Variants in MRTFB observed in about 807,000 individuals in gnomAD.
The protein encoded by MRTFB is myocardin related transcription factor B, also known as myocardin-related transcription factor B.
Under a neutral mutation model 104.2 loss-of-function variants are expected in MRTFB, and 29 were observed. The ratio of observed to expected loss-of-function variants is 0.28; its 90% CI spans 0.21 to 0.38. MRTFB has a LOEUF of 0.38. Ranked by LOEUF, MRTFB falls within the 10% of genes least tolerant of loss-of-function variation. MRTFB has a pLI of 1.00. For missense variants in MRTFB, 1,270 were observed against 1,341.6 expected (o/e 0.95, Z 0.83); for synonymous variants, 535 against 519.5 (o/e 1.03, Z -0.41).
chr16:14,043,612 T>C, the MRTFB span, among the ~76,000 whole-genome samples: 5 of 152,154 alleles, frequency 3.3e-5, no homozygotes, highest in African/African-American at 4.8e-5. Context: ...AAGAAAGATA[T>C]AGAAACAAGG....
chr16:14,152,621 G>A (rs1267775876), intron 3 of MRTFB: 1 of 152,132 alleles, frequency 6.6e-6, no homozygotes, highest in Non-Finnish European at 1.5e-5. Flanking sequence ...TTTGGAGCCT[G>A]GAGAACTTAA....
At position 14,266,588 on chromosome 16, in the gene MRTFB, C is replaced by G. The variant is rs1003395840; in HGVS notation, c.*5144C>G. ...TGCACCCCTGAAATCAATTCCATAT[C>G]ATGTTTGAATGCCATACATTTTGCA... On this transcript the variant is annotated 3_prime_UTR_variant, in exon 17 of 17. Coordinates refer to ENST00000571589, the MANE Select transcript of MRTFB (RefSeq NM_001308142.2). 6.6e-6 allele frequency: 1 copy of G among 152,184 alleles called. No homozygotes were observed. The highest frequency in any genetic ancestry group is 6.5e-5 in the Admixed American group (1 of 15,280). 9.4% of individuals were successfully genotyped at this position (152,184 alleles called of 1,614,324 possible).
At position 14,212,370 on chromosome 16, in the gene MRTFB, G is replaced by A. The variant is rs756700929; in HGVS notation, c.237G>A (p.Ala79=). Residue 79 remains alanine, a synonymous_variant, in exon 5 of 17, where the codon GCG becomes GCA. Coordinates refer to ENST00000571589, the MANE Select transcript of MRTFB (RefSeq NM_001308142.2). Reference sequence around the variant, plus strand: ...TTCTCACAGCTTTGAAGAGCCCAGCGGCATTCCATGAACAGATAAAAAGCT... The same window carrying A: ...TTCTCACAGCTTTGAAGAGCCCAGCAGCATTCCATGAACAGATAAAAAGCT... ...QGIMPPLKSP[A]AFHEQIKSLE... The A allele has an allele frequency of 5.0e-6, 8 of 1,613,732 alleles. No homozygotes were observed. Among genetic ancestry groups the A allele is most frequent in the African/African-American group, 2.7e-5 (2 of 74,872 alleles).
At chr16:14,186,015 T>C (rs555623730) in intron 3 of MRTFB, among the ~76,000 whole-genome samples, 4 of 152,288 alleles carry the variant, frequency 2.6e-5, no homozygotes, top group African/African-American at 7.2e-5. Context: ...TGTTATGAAA[T>C]AGAAGCTGTC....
At chr16:14,150,277 A>C (rs2038546852) in intron 3 of MRTFB, among the ~76,000 whole-genome samples, 1 of 152,244 alleles carries the variant, frequency 6.6e-6, no homozygotes, top group Non-Finnish European at 1.5e-5. Flanking sequence ...TCAAGTATAG[A>C]GAATAGTGCA....
chr16:14,247,343 G>A lies in MRTFB; in HGVS notation c.2083G>A (p.Val695Ile), dbSNP rs773123687. Residue 695 changes from valine to isoleucine, a missense_variant, in exon 12 of 17, where the codon GTC (valine) becomes ATC (isoleucine). By Grantham distance (29) the Val-to-Ile change is conservative (BLOSUM62 3). Transcript: ENST00000571589. ...GGGCCAGGCAGAGCAGCAGAGTGTC[G>A]TCTCGCAGTTTTATGTGAGTTCCCA... ...PVGQAEQQSVVSQFYVSSQGQ... is the reference protein window; with the variant it reads ...PVGQAEQQSVISQFYVSSQGQ... 7.4e-6 allele frequency: 12 copies of A among 1,614,078 alleles called. No homozygotes were observed. Among genetic ancestry groups the A allele is most frequent in the South Asian group, 5.5e-5 (5 of 91,082 alleles).
intron 3 of MRTFB, among the ~76,000 whole-genome samples, chr16:14,171,672 A>G (rs960238889): frequency 1.2e-4 from 18 of 152,198 alleles, no homozygotes; most frequent in Admixed American, 9.2e-4. Flanking sequence ...AGAACCTAGA[A>G]CCTGGCTCCC....
At chr16:14,038,274 C>T in the MRTFB span, among the ~76,000 whole-genome samples, 1 of 152,106 alleles carries the variant, frequency 6.6e-6, no homozygotes, top group African/African-American at 2.4e-5. Context: ...AGGGGCCACC[C>T]TAATAATCTC....
At chr16:14,119,326 G>GA (rs1393119900) in intron 2 of MRTFB, among the ~76,000 whole-genome samples, 1 of 152,194 alleles carries the variant, frequency 6.6e-6, no homozygotes, top group Non-Finnish European at 1.5e-5. Context: ...CTGATTGGCT[G>GA]AAACTAGGTG....
At chr16:14,137,128 A>G (rs1348500591) in intron 2 of MRTFB, among the ~76,000 whole-genome samples, 2 of 152,166 alleles carry the variant, frequency 1.3e-5, no homozygotes, top group South Asian at 2.1e-4. Flanking sequence ...AGTCAATTCT[A>G]TGTGTGATAT....
chr16:14,166,856 C>G lies in MRTFB; in HGVS notation c.154+26096C>G, dbSNP rs531248852. Among the ~76,000 whole-genome samples the G allele has an allele frequency of 6.6e-5, 10 of 152,326 alleles. 1 individual carries two copies. ...GACATGATCTTGTTCCTTTTTATGG[C>G]TGCACAGTATTCCATGGTGTGTATG... On this transcript the variant is annotated intron_variant, in intron 3 of 16. Coordinates refer to ENST00000571589, the MANE Select transcript of MRTFB (RefSeq NM_001308142.2).
chr16:14,059,537 A>C, the MRTFB span, among the ~76,000 whole-genome samples: 1 of 152,148 alleles, frequency 6.6e-6, no homozygotes, highest in Non-Finnish European at 1.5e-5. Context: ...ACACAGATGC[A>C]ATCTAATGAC....
the MRTFB span, among the ~76,000 whole-genome samples, chr16:14,040,075 A>G: frequency 1.3e-5 from 2 of 152,226 alleles, no homozygotes; most frequent in Non-Finnish European, 2.9e-5. Flanking sequence ...ATCTATCTGC[A>G]TTGATATAAA....
At chr16:14,023,675 G>GTATA in the MRTFB span, among the ~76,000 whole-genome samples, 10,244 of 145,028 alleles carry the variant, frequency 0.071, 434 homozygotes, top group Non-Finnish European at 0.086. Flanking sequence ...GTGTGTGTGT[G>GTATA]TCTATATATA....
intron 8 of MRTFB, among the ~76,000 whole-genome samples, chr16:14,223,220 G>A (rs563200032): frequency 1.1e-4 from 17 of 152,150 alleles, no homozygotes; most frequent in Admixed American, 1.1e-3. Context: ...TGAGGTGGGA[G>A]GATCACCTGA....
chr16:14,171,631 T>A (rs879465283), intron 3 of MRTFB, among the ~76,000 whole-genome samples: 1 of 152,224 alleles, frequency 6.6e-6, no homozygotes. Flanking sequence ...CTTTCCCCTT[T>A]ATGTATTTGT....
chr16:14,208,784 T>A (rs921911889), intron 3 of MRTFB, among the ~76,000 whole-genome samples: 1 of 152,192 alleles, frequency 6.6e-6, no homozygotes, highest in Non-Finnish European at 1.5e-5. Flanking sequence ...TCAATCAACT[T>A]AGGGAAAAGA....
At chr16:14,095,342 G>A (rs1300141758) in intron 2 of MRTFB, among the ~76,000 whole-genome samples, 1 of 152,188 alleles carries the variant, frequency 6.6e-6, no homozygotes, top group Non-Finnish European at 1.5e-5. Flanking sequence ...GATTCAAGAT[G>A]CCCTCTGTGC....
the MRTFB span, among the ~76,000 whole-genome samples, chr16:14,015,205 G>A: frequency 3.3e-5 from 5 of 152,218 alleles, no homozygotes; most frequent in African/African-American, 1.2e-4. Flanking sequence ...CAAAAGGCTT[G>A]GAGGTGTCTC....
Sources: gnomAD v4.1 joint callset for allele counts (sites outside exome capture counted in the v4.1 genomes callset) on GRCh38, gnomAD v4.1.1 for gene constraint, MANE v1.5 for transcripts, NCBI Gene and HGNC (gene_info 2026-07-23, HGNC 2026-07-21) for gene names.